Variants in AOAH observed in about 807,000 individuals in gnomAD.
AOAH encodes the protein acyloxyacyl hydrolase (neutrophil).
AOAH carries 64 observed loss-of-function variants against 92.2 expected under a neutral mutation model. That is an observed-to-expected ratio of 0.69 (90% CI 0.57 to 0.86). The LOEUF (loss-of-function observed/expected upper bound fraction) is 0.86, where lower values mean the gene tolerates loss of function less well. Among genes scored for constraint, AOAH ranks in the 40% least tolerant of loss-of-function variants. AOAH has a pLI of 0.00. For synonymous variants in AOAH, 263 were observed against 254.5 expected, an observed-to-expected ratio of 1.03 and a Z score of -0.32; for missense variants, 656 against 694.6, an observed-to-expected ratio of 0.94 and a Z score of 0.62.
chr7:36,651,206 A>G (rs1198041493), intron 4 of AOAH, among the ~76,000 whole-genome samples: 1 of 152,230 alleles, frequency 6.6e-6, no homozygotes, highest in African/African-American at 2.4e-5. Context: ...GCCTCCTGCT[A>G]GAATATCCAT....
At chr7:36,630,441 G>A (rs143194702) in intron 6 of AOAH, among the ~76,000 whole-genome samples, 3 of 152,146 alleles carry the variant, frequency 2.0e-5, no homozygotes, top group Non-Finnish European at 2.9e-5. Context: ...AATATCTCAC[G>A]GCTAAAGAAC....
At chr7:36,556,384 G>A (rs1217729021) in intron 13 of AOAH, among the ~76,000 whole-genome samples, 1 of 152,098 alleles carries the variant, frequency 6.6e-6, no homozygotes, top group African/African-American at 2.4e-5. Flanking sequence ...TCCATTTGCT[G>A]AGGAGAGCTT....
chr7:36,700,174 TC>T (rs1213550237), intron 1 of AOAH, among the ~76,000 whole-genome samples: 1 of 152,112 alleles, frequency 6.6e-6, no homozygotes, highest in East Asian at 1.9e-4. Flanking sequence ...TTTTTATCTT[TC>T]TTTTAAAAAA....
intron 11 of AOAH, among the ~76,000 whole-genome samples, chr7:36,607,967 T>C (rs1212528534): frequency 6.6e-6 from 1 of 152,206 alleles, no homozygotes; most frequent in Non-Finnish European, 1.5e-5. Context: ...ACTCCACTAG[T>C]CACTTAAGTT....
At chr7:36,539,242 G>A (rs540563146) in intron 16 of AOAH, among the ~76,000 whole-genome samples, 21 of 152,316 alleles carry the variant, frequency 1.4e-4, no homozygotes, top group African/African-American at 5.1e-4. Flanking sequence ...GAAGGTGCTT[G>A]GACTGCCAGC....
At chr7:36,650,787 C>T (rs1241656723) in intron 4 of AOAH, among the ~76,000 whole-genome samples, 1 of 152,190 alleles carries the variant, frequency 6.6e-6, no homozygotes, top group African/African-American at 2.4e-5. Flanking sequence ...TACAGAGCAC[C>T]TACTATGTGC....
chr7:36,661,927 G>GAAAAC (rs1795235737), intron 3 of AOAH, among the ~76,000 whole-genome samples: 1 of 152,162 alleles, frequency 6.6e-6, no homozygotes, highest in Non-Finnish European at 1.5e-5. Flanking sequence ...AAAAAGCAAA[G>GAAAAC]AAAACAAAAC....
chr7:36,715,643 C>T (rs573430598), intron 1 of AOAH, among the ~76,000 whole-genome samples: 14 of 145,552 alleles, frequency 9.6e-5, no homozygotes, highest in African/African-American at 1.5e-4. Context: ...ACCAACGGAA[C>T]GGAACAGAGC....
At chr7:36,706,410 C>A (rs532379897) in intron 1 of AOAH, among the ~76,000 whole-genome samples, 2 of 152,142 alleles carry the variant, frequency 1.3e-5, no homozygotes, top group East Asian at 1.9e-4. Flanking sequence ...AACAAATTTG[C>A]CGTTATCCAA....
At chr7:36,535,054 C>CTGTG (rs143195139) in intron 16 of AOAH, among the ~76,000 whole-genome samples, 5 of 143,566 alleles carry the variant, frequency 3.5e-5, no homozygotes, top group Non-Finnish European at 6.1e-5. Flanking sequence ...GTGTATGTGT[C>CTGTG]TGTGTGTGTG....
intron 1 of AOAH, among the ~76,000 whole-genome samples, chr7:36,704,460 A>C (rs556849387): frequency 6.6e-6 from 1 of 152,322 alleles, no homozygotes; most frequent in Non-Finnish European, 1.5e-5. Context: ...AAATCCTTGA[A>C]TAGACCAATA....
chr7:36,711,647 G>A (rs530717352), intron 1 of AOAH, among the ~76,000 whole-genome samples: 1 of 152,318 alleles, frequency 6.6e-6, no homozygotes, highest in African/African-American at 2.4e-5. Flanking sequence ...AGAAGAGAGA[G>A]TGTATGGGAA....
At chr7:36,604,054 T>C (rs910451804) in intron 11 of AOAH, among the ~76,000 whole-genome samples, 2 of 152,176 alleles carry the variant, frequency 1.3e-5, no homozygotes, top group Non-Finnish European at 2.9e-5. Context: ...GGCCTCTGCT[T>C]CGTAAATGGT....
At chr7:36,707,419 T>A (rs1319209321) in intron 1 of AOAH, among the ~76,000 whole-genome samples, 2 of 151,986 alleles carry the variant, frequency 1.3e-5, no homozygotes, top group African/African-American at 4.8e-5. Context: ...ACAGATATAA[T>A]AATGAAAAAG....
chr7:36,676,169 G>A (rs1029654230), intron 2 of AOAH, among the ~76,000 whole-genome samples: 3 of 152,192 alleles, frequency 2.0e-5, no homozygotes, highest in African/African-American at 4.8e-5. Context: ...AAGTAAAGAT[G>A]TAAGACTATC....
rs760939192 is a variant in AOAH, at chr7:36,549,496, AAAC to A, written c.1022-24_1022-22del. 51 of 1,539,722 alleles carry A rather than the reference AAAC, an allele frequency of 3.3e-5. 1 individual carries two copies. The South Asian group carries it at 5.6e-4, about 17-fold the overall frequency. On this transcript the variant is annotated intron_variant, in intron 13 of 20. Coordinates refer to ENST00000617537, the MANE Select transcript of AOAH (RefSeq NM_001637.4). ...TGCACCTGAATAATTAAAATTAAGAAAACAATTAAAGTTAGTGAGTTCAATTTC... is the reference window on the plus strand; with the variant it reads ...TGCACCTGAATAATTAAAATTAAGAAAATTAAAGTTAGTGAGTTCAATTTC...
chr7:36,562,183 G>GT (rs1335613743), intron 13 of AOAH, among the ~76,000 whole-genome samples: 1 of 152,098 alleles, frequency 6.6e-6, no homozygotes, highest in African/African-American at 2.4e-5. Flanking sequence ...TTTTGCTGTT[G>GT]TTTTGTTATC....
chr7:36,577,883 C>T (rs933431208), intron 12 of AOAH, among the ~76,000 whole-genome samples: 1 of 152,138 alleles, frequency 6.6e-6, no homozygotes, highest in East Asian at 1.9e-4. Context: ...ACCTTACATA[C>T]AATCACCAAT....
intron 4 of AOAH, among the ~76,000 whole-genome samples, chr7:36,656,787 T>G (rs1013556948): frequency 1.4e-5 from 2 of 145,674 alleles, no homozygotes; most frequent in Admixed American, 7.1e-5. Flanking sequence ...GCCTGATAGG[T>G]AAAGTCTGCT....
Sources: gnomAD v4.1 joint callset for allele counts (sites outside exome capture counted in the v4.1 genomes callset) on GRCh38, gnomAD v4.1.1 for gene constraint, MANE v1.5 for transcripts, NCBI Gene and HGNC (gene_info 2026-07-23, HGNC 2026-07-21) for gene names.